KAZN: variants seen among roughly 807,000 people sequenced by gnomAD.
KAZN encodes the protein kazrin.
A neutral mutation model predicts 87.4 loss-of-function variants in KAZN; 40 were observed. That is an observed-to-expected ratio of 0.46 (90% CI 0.36 to 0.60). The LOEUF (loss-of-function observed/expected upper bound fraction) is 0.60. KAZN is among the 20% of genes least tolerant of loss of function. KAZN has a pLI of 0.00. For synonymous variants in KAZN, 466 were observed against 458.3 expected (o/e 1.02, Z -0.22); for missense variants, 898 against 1,073.9 (o/e 0.84, Z 2.29).
chr1:14,935,713 G>C (rs1423276779), intron 1 of KAZN, among the ~76,000 whole-genome samples: 1 of 151,942 alleles, frequency 6.6e-6, no homozygotes, highest in Non-Finnish European at 1.5e-5. Context: ...CCTGTACCCT[G>C]GCCTGTTCCC....
intron 2 of KAZN, among the ~76,000 whole-genome samples, chr1:14,450,120 G>GC (rs35933063): frequency 0.4 from 59,820 of 150,100 alleles, 11,993 homozygotes; most frequent in Middle Eastern, 0.55. Flanking sequence ...GGAGAGTGCT[G>GC]CCCCCCCGCC....
chr1:14,829,377 C>A (rs973486572), intron 1 of KAZN, among the ~76,000 whole-genome samples: 2 of 152,180 alleles, frequency 1.3e-5, no homozygotes, highest in Admixed American at 1.3e-4. Context: ...AACACAGGAA[C>A]TTTCTCGGGA....
intron 1 of KAZN, among the ~76,000 whole-genome samples, chr1:14,934,972 C>T (rs1233497497): frequency 1.3e-5 from 2 of 152,348 alleles, no homozygotes; most frequent in East Asian, 1.9e-4. Context: ...CTTCTAGCGC[C>T]GGGGGCCTCT....
At chr1:14,006,217 T>G (rs1348906617) in intron 1 of KAZN, among the ~76,000 whole-genome samples, 1 of 152,202 alleles carries the variant, frequency 6.6e-6, no homozygotes, top group African/African-American at 2.4e-5. Context: ...GGTTAGTCTG[T>G]TTTGCATTGC....
chr1:14,604,542 G>A (rs542787532), intron 1 of KAZN, among the ~76,000 whole-genome samples: 5 of 152,324 alleles, frequency 3.3e-5, no homozygotes, highest in South Asian at 2.1e-4. Context: ...TCCAAGTGGT[G>A]GAGGCGAGGT....
intron 1 of KAZN, among the ~76,000 whole-genome samples, chr1:13,899,818 ATTT>A (rs1557708055): frequency 1.3e-5 from 2 of 151,680 alleles, no homozygotes; most frequent in African/African-American, 4.8e-5. Flanking sequence ...TAATTTTTGT[ATTT>A]TTAGTAGAGA....
intron 2 of KAZN, among the ~76,000 whole-genome samples, chr1:14,432,903 T>G (rs1174570820): frequency 6.6e-6 from 1 of 152,286 alleles, no homozygotes; most frequent in East Asian, 1.9e-4. Flanking sequence ...GGACATGATC[T>G]TATTCTTTTT....
chr1:14,618,055 C>T (rs1300571607), intron 1 of KAZN, among the ~76,000 whole-genome samples: 1 of 152,064 alleles, frequency 6.6e-6, no homozygotes, highest in African/African-American at 2.4e-5. Flanking sequence ...TTTTTTTTCT[C>T]AGTTATTTAT....
chr1:14,677,386 C>A (rs999770563), intron 1 of KAZN, among the ~76,000 whole-genome samples: 6 of 152,158 alleles, frequency 3.9e-5, no homozygotes, highest in Admixed American at 1.3e-4. Context: ...ATTGGAAAGG[C>A]AGAAATATCT....
intron 8 of KAZN, among the ~76,000 whole-genome samples, chr1:15,087,399 C>CTT (rs142552383): frequency 5.5e-5 from 6 of 108,380 alleles, no homozygotes; most frequent in African/African-American, 1.5e-4. Flanking sequence ...GCACTTTTTT[C>CTT]TTTTTTTTTT....
chr1:14,520,228 G>A (rs1386006346), intron 2 of KAZN, among the ~76,000 whole-genome samples: 1 of 152,054 alleles, frequency 6.6e-6, no homozygotes, highest in Admixed American at 6.6e-5. Context: ...TGATCCATTG[G>A]GTGTGGCCAA....
chr1:14,956,824 G>C (rs1663172109), intron 1 of KAZN, among the ~76,000 whole-genome samples: 1 of 152,132 alleles, frequency 6.6e-6, no homozygotes, highest in Admixed American at 6.5e-5. Context: ...GCTGAGGTGG[G>C]AGCACCGAGG....
intron 1 of KAZN, among the ~76,000 whole-genome samples, chr1:14,806,350 G>A (rs1003301424): frequency 6.6e-6 from 1 of 152,238 alleles, no homozygotes; most frequent in Non-Finnish European, 1.5e-5. Flanking sequence ...TCCATGGCCT[G>A]CCGTGTTCAT....
chr1:14,875,297 C>G (rs948731346), intron 1 of KAZN, among the ~76,000 whole-genome samples: 9 of 144,240 alleles, frequency 6.2e-5, no homozygotes, highest in African/African-American at 2.3e-4. Context: ...TGCCATTGCA[C>G]TCCATCCTGG....
intron 2 of KAZN, among the ~76,000 whole-genome samples, chr1:14,572,823 G>T (rs530695128): frequency 6.6e-6 from 1 of 152,208 alleles, no homozygotes; most frequent in East Asian, 1.9e-4. Flanking sequence ...CCCCCTTCTT[G>T]GACTCATTAT....
At chr1:14,910,918 T>C (rs1280680092) in intron 1 of KAZN, among the ~76,000 whole-genome samples, 1 of 152,214 alleles carries the variant, frequency 6.6e-6, no homozygotes, top group Non-Finnish European at 1.5e-5. Context: ...AAACAAAATA[T>C]GTCTGTGAGC....
At position 14,057,789 on chromosome 1, in the gene KAZN, T is replaced by C. The variant is rs1642636134; in HGVS notation, c.92-122646T>C. On this transcript the variant is annotated intron_variant, in intron 1 of 16. Coordinates refer to the KAZN transcript ENST00000636203. ...CACTGAGTGATTCTTCCAAAATGTA[T>C]GCTTCATGAGGGCAAGGATGTTTTG... is the stretch of plus-strand genomic sequence containing the variant. Among the ~76,000 whole-genome samples the C allele has an allele frequency of 2.6e-5, 4 of 152,228 alleles. 1 individual carries two copies. The South Asian group carries it at 8.3e-4, about 32-fold the overall frequency.
At chr1:14,568,038 T>A (rs892924677) in intron 2 of KAZN, among the ~76,000 whole-genome samples, 2 of 152,026 alleles carry the variant, frequency 1.3e-5, no homozygotes, top group Non-Finnish European at 2.9e-5. Flanking sequence ...ATTTTGCAGA[T>A]GTAGTTAAAG....
At chr1:14,547,835 C>T (rs1412844198) in intron 2 of KAZN, among the ~76,000 whole-genome samples, 4 of 152,050 alleles carry the variant, frequency 2.6e-5, no homozygotes, top group South Asian at 2.1e-4. Context: ...GCGATCTGCC[C>T]GCCTCAGCCT....
Sources: allele counts gnomAD v4.1 joint callset (sites outside exome capture counted in the v4.1 genomes callset), GRCh38; gene constraint gnomAD v4.1.1; transcripts MANE v1.5; gene names NCBI Gene and HGNC (gene_info 2026-07-23, HGNC 2026-07-21).